The following SLC9A5 variants were observed in gnomAD, a reference collection of about 807,000 sequenced individuals.
SLC9A5 encodes sodium/hydrogen exchanger 5.
Under a neutral mutation model 91.7 loss-of-function variants are expected in SLC9A5, and 52 were observed. The ratio of observed to expected loss-of-function variants is 0.57; its 90% CI spans 0.45 to 0.71. SLC9A5 has a LOEUF of 0.71. SLC9A5 is among the 30% of genes least tolerant of loss of function. SLC9A5 has a pLI of 0.00. For synonymous variants in SLC9A5, 419 were observed against 474.5 expected (o/e 0.88, Z 1.52); for missense variants, 871 against 1,158.9 (o/e 0.75, Z 3.61).
chr16:67,269,123 A>C (rs929609466), intron 15 of SLC9A5, among the ~76,000 whole-genome samples: 2 of 151,976 alleles, frequency 1.3e-5, no homozygotes, highest in Non-Finnish European at 2.9e-5. Context: ...TGTCTCTTAA[A>C]TTTCCTTTAA....
At chr16:67,260,826 A>G (rs1427362652) in intron 12 of SLC9A5, among the ~76,000 whole-genome samples, 2 of 152,224 alleles carry the variant, frequency 1.3e-5, no homozygotes, top group African/African-American at 4.8e-5. Flanking sequence ...CATCCAGGAG[A>G]GAGTCTGTTG....
intron 14 of SLC9A5, among the ~76,000 whole-genome samples, chr16:67,265,881 G>A (rs2035681411): frequency 1.3e-5 from 2 of 152,170 alleles, no homozygotes; most frequent in African/African-American, 4.8e-5. Context: ...GCTTCCTCTG[G>A]TCGCTTCCTT....
At chr16:67,265,566 A>T (rs1009351687) in intron 14 of SLC9A5, among the ~76,000 whole-genome samples, 2 of 152,064 alleles carry the variant, frequency 1.3e-5, no homozygotes, top group African/African-American at 4.8e-5. Flanking sequence ...TTACATGTGC[A>T]CGCCACCACA....
Position 67,252,608 on chromosome 16 carries a change from T to A in SLC9A5, c.254T>A (p.Leu85Gln). 1 of 1,614,146 alleles carries A rather than the reference T, an allele frequency of 6.2e-7. No individual in the cohort carries two copies. The highest frequency in any genetic ancestry group is 8.5e-7 in the Non-Finnish European group (1 of 1,180,044). ...AGCTGCCTGCTGATTTTGCTGGGCC[T>A]GGTGCTAGGGGGAATTGTTTTGGCT... ...PESCLLILLG[L>Q]VLGGIVLAVA... Residue 85 changes from leucine to glutamine, a missense_variant, in exon 2 of 16, where the codon CTG (leucine) becomes CAG (glutamine). Coordinates refer to ENST00000299798, the MANE Select transcript of SLC9A5 (RefSeq NM_004594.3). This position sits in a 1 kb window ranked among gnomAD's most constrained non-coding sequence, Gnocchi z 4.0.
Position 67,252,765 on chromosome 16 carries a change from C to T in SLC9A5, c.411C>T (p.Thr137=). The change falls in exon 2 of 16, where the codon ACC becomes ACT. Residue 137 remains threonine, a synonymous_variant. Coordinates refer to ENST00000299798, the MANE Select transcript of SLC9A5 (RefSeq NM_004594.3). The surrounding 1 kb of genome is among the most constrained non-coding windows in gnomAD (Gnocchi z 4.0). ...LFFDNLGAIL[T]YAVVGTLWNA... ...TTGACAACTTGGGTGCCATCCTCAC[C>T]TATGCCGTGGTAGGCACACTCTGGA... is the stretch of plus-strand genomic sequence containing the variant. 6.2e-7 allele frequency: 1 copy of T among 1,614,188 alleles called. No homozygotes were observed. Among genetic ancestry groups the T allele is most frequent in the Non-Finnish European group, 8.5e-7 (1 of 1,180,052 alleles).
rs372449311 is a variant in SLC9A5, at chr16:67,256,490, C to T, written c.933C>T (p.Gly311=). 6.2e-7 allele frequency: 1 copy of T among 1,611,346 alleles called. No homozygotes were observed. Among genetic ancestry groups the T allele is most frequent in the African/African-American group, 1.3e-5 (1 of 74,920 alleles). Residue 311 remains glycine (G), a synonymous_variant, in exon 6 of 16, where the codon GGC becomes GGT. Transcript: ENST00000299798. This position sits in a 1 kb window ranked among gnomAD's most constrained non-coding sequence, Gnocchi z 4.1. ...CCAGGGTGACCATGTGTGGCCTGGG[C>T]TGTAAGAAGTACGTGGAGGCCAACA... is the stretch of plus-strand genomic sequence containing the variant. The part of the protein sequence containing the change: ...AILAVTMCGL[G]CKKYVEANIS...
Position 67,258,475 on chromosome 16 carries a change from G to C in SLC9A5, c.1626+28G>C, listed in dbSNP as rs1341836119. 1 of 1,613,706 alleles carries C rather than the reference G, an allele frequency of 6.2e-7. No individual in the cohort carries two copies. The highest frequency in any genetic ancestry group is 1.7e-5 in the Admixed American group (1 of 60,030). ...GGGCCAGCAGCTTCCAGGTGGGCCA[G>C]TGGTGGGTGGGCAGATGGTCAGCAG... On this transcript the variant is annotated intron_variant, in intron 10 of 15. Coordinates refer to ENST00000299798, the MANE Select transcript of SLC9A5 (RefSeq NM_004594.3). This position sits in a 1 kb window ranked among gnomAD's most constrained non-coding sequence, Gnocchi z 4.5.
intron 15 of SLC9A5, among the ~76,000 whole-genome samples, chr16:67,266,533 T>C (rs1265603304): frequency 1.3e-5 from 2 of 152,168 alleles, no homozygotes; most frequent in East Asian, 3.9e-4. Flanking sequence ...CTTTTTTTAA[T>C]TTTTAAATTT....
intron 14 of SLC9A5, among the ~76,000 whole-genome samples, 196 bp from the exon 15 acceptor site, chr16:67,265,891 TG>T (rs2035682405): frequency 6.6e-6 from 1 of 152,180 alleles, no homozygotes; most frequent in Non-Finnish European, 1.5e-5. Flanking sequence ...GTCGCTTCCT[TG>T]GGCTCCGCAA....
At position 67,255,981 on chromosome 16, in the gene SLC9A5, T is replaced by C. The variant is rs1193416277; in HGVS notation, c.911+51T>C. 6.3e-7 allele frequency: 1 copy of C among 1,577,804 alleles called. No individual in the cohort carries two copies. On this transcript the variant is annotated intron_variant, in intron 5 of 15. Coordinates refer to ENST00000299798, the MANE Select transcript of SLC9A5 (RefSeq NM_004594.3). The surrounding 1 kb of genome is among the most constrained non-coding windows in gnomAD (Gnocchi z 4.9). The stretch of plus-strand genomic sequence containing the variant: ...GATAGCTGGGAGGGGGCACTGGAGA[T>C]GGTTGCCCCTCATAGGGACACAGGC...
chr16:67,256,931 G>A lies in SLC9A5; in HGVS notation c.1153G>A (p.Val385Met), dbSNP rs1567410602. The A allele has an allele frequency of 6.2e-7, 1 of 1,613,970 alleles. No individual in the cohort carries two copies. Among genetic ancestry groups the A allele is most frequent in the Non-Finnish European group, 8.5e-7 (1 of 1,180,024 alleles). The change falls in exon 7 of 16, where the codon GTG becomes ATG. Residue 385 changes from valine (V) to methionine (M), a missense_variant. Around this residue, in one of 3 missense-constraint regions of SLC9A5, gnomAD observed 454 missense variants for 718.3 expected, o/e 0.63. Transcript: ENST00000299798. This position sits in a 1 kb window ranked among gnomAD's most constrained non-coding sequence, Gnocchi z 4.1. ...RALGVVLQTW[V>M]LNQFRLVPLD... ...TGTAGGCGTAGTCCTGCAGACCTGG[G>A]TGCTGAATCAGTTCCGGCTAGTCCC...
At position 67,266,178 on chromosome 16, in the gene SLC9A5, T is replaced by C. The variant is rs1205247833; in HGVS notation, c.2171T>C (p.Phe724Ser). The C allele has an allele frequency of 8.7e-6, 14 of 1,609,698 alleles. No individual in the cohort carries two copies. The highest frequency in any genetic ancestry group is 1.3e-5 in the African/African-American group (1 of 74,738). ...AAGGAGGACGATGAGGGGATCATCT[T>C]TGTGGCTCGTGCCACCAGTGAGGTT... Reference protein sequence around the residue: ...TEKEDDEGIIFVARATSEVLQ... With the variant: ...TEKEDDEGIISVARATSEVLQ... The change falls in exon 15 of 16, where the codon TTT becomes TCT. Residue 724 changes from phenylalanine to serine, a missense_variant. This residue lies in a region of SLC9A5 where 295 missense variants were observed against 326.0 expected (regional missense o/e 0.90). Coordinates refer to ENST00000299798, the MANE Select transcript of SLC9A5 (RefSeq NM_004594.3).
In SLC9A5 at chr16:67,268,710, A is replaced by ATTTTTT. The variant is rs1289032640; in HGVS notation, c.2219-2023_2219-2022insTTTTTT. ...TATATATATATATATATATATATAT[A>ATTTTTT]TTTTTACAGTAGGCTTGTCCAATGT... On this transcript the variant is annotated intron_variant, in intron 15 of 15. Coordinates refer to ENST00000299798, the MANE Select transcript of SLC9A5 (RefSeq NM_004594.3). Among the ~76,000 whole-genome samples the ATTTTTT allele has an allele frequency of 1.4e-4, 13 of 89,756 alleles. 1 individual carries two copies. The highest frequency in any genetic ancestry group is 1.1e-3 in the South Asian group (3 of 2,648). 58.9% of individuals were successfully genotyped at this position (89,756 alleles called of 152,430 possible).
At chr16:67,263,883 G>A (rs2035614298) in intron 12 of SLC9A5, 1 of 165,634 alleles carries the variant, frequency 6.0e-6, no homozygotes, top group Non-Finnish European at 1.3e-5. Flanking sequence ...AAAGTTCAAA[G>A]TGCAGCCCAG....
In SLC9A5 at chr16:67,256,772, C is replaced by A; in HGVS notation, c.1132+83C>A. 3 of 1,352,664 alleles carry A rather than the reference C, an allele frequency of 2.2e-6. No individual in the cohort carries two copies. The highest frequency in any genetic ancestry group is 3.2e-6 in the Non-Finnish European group (3 of 950,538). 83.8% of individuals were successfully genotyped at this position (1,352,664 alleles called of 1,614,324 possible). On this transcript the variant is annotated intron_variant, in intron 6 of 15. Coordinates refer to ENST00000299798, the MANE Select transcript of SLC9A5 (RefSeq NM_004594.3). This position sits in a 1 kb window ranked among gnomAD's most constrained non-coding sequence, Gnocchi z 4.1. The stretch of plus-strand genomic sequence containing the variant: ...CTCATCTCCCTATCTGAGTCCACAT[C>A]TTTGTCAATTCCTAAGCCTCCTCTT...
At position 67,271,213 on chromosome 16, in the gene SLC9A5, C is replaced by CT. The variant is rs1490342624; in HGVS notation, c.*3_*4insT. On this transcript the variant is annotated 3_prime_UTR_variant, in exon 16 of 16. Transcript: ENST00000299798. ...TCAACAGAGGCAGCCGGCTGTAGCT[C>CT]AAGGCCTCGGGGAGGAGCAGGAGGT... is the stretch of plus-strand genomic sequence containing the variant. 1.2e-6 allele frequency: 2 copies of CT among 1,608,948 alleles called. No homozygotes were observed. Among genetic ancestry groups the CT allele is most frequent in the Non-Finnish European group, 1.7e-6 (2 of 1,178,930 alleles).
At chr16:67,253,509 C>T (rs890458928) in intron 2 of SLC9A5, among the ~76,000 whole-genome samples, 3 of 151,822 alleles carry the variant, frequency 2.0e-5, no homozygotes, top group African/African-American at 7.3e-5. Flanking sequence ...AGAAGAGGTC[C>T]GTGTTTGTTG....
chr16:67,268,658 T>A (rs1317990502), intron 15 of SLC9A5, among the ~76,000 whole-genome samples: 10 of 42,322 alleles, frequency 2.4e-4, no homozygotes, highest in East Asian at 1.5e-3. Flanking sequence ...ATTTCCCTGA[T>A]TATATATATA....
At chr16:67,249,672 G>C (rs1289157876) in intron 1 of SLC9A5, among the ~76,000 whole-genome samples, 2 of 152,084 alleles carry the variant, frequency 1.3e-5, no homozygotes, top group Non-Finnish European at 2.9e-5. Context: ...CATTCCCTTG[G>C]GAAACTACAC....
Sources: gnomAD v4.1 joint callset for allele counts (sites outside exome capture counted in the v4.1 genomes callset) on GRCh38, gnomAD v4.1.1 for gene constraint, gnomAD v4.1.1 regional missense constraint, Gnocchi (gnomAD v3.1) non-coding constraint, MANE v1.5 for transcripts, NCBI Gene and HGNC (gene_info 2026-07-23, HGNC 2026-07-21) for gene names.